The following PKD1L1 variants were observed in gnomAD, a reference collection of about 807,000 sequenced individuals.
PKD1L1 encodes the protein polycystin 1 like 1, transient receptor potential channel interacting, also known as polycystin-1-like protein 1.
In PKD1L1, 236 loss-of-function variants were observed where a neutral mutation model predicts 323.4. The ratio of observed to expected loss-of-function variants is 0.73; its 90% CI spans 0.66 to 0.81. The LOEUF (loss-of-function observed/expected upper bound fraction) is 0.81, where lower values mean the gene tolerates loss of function less well. Ranked by LOEUF, PKD1L1 falls within the 40% of genes least tolerant of loss-of-function variation. The pLI, the probability that PKD1L1 is intolerant of heterozygous loss-of-function variation, is 0.00. For missense variants in PKD1L1, 3,320 were observed against 3,508.0 expected, an observed-to-expected ratio of 0.95 and a Z score of 1.35; for synonymous variants, 1,344 against 1,335.0, an observed-to-expected ratio of 1.01 and a Z score of -0.15.
intron 9 of PKD1L1, 61 bp downstream of exon 9, chr7:47,908,016 A>C: frequency 6.6e-7 from 1 of 1,513,118 alleles, no homozygotes. Context: ...AGTAAAGCGG[A>C]GATACCCTGC....
intron 8 of PKD1L1, among the ~76,000 whole-genome samples, chr7:47,913,518 C>A (rs907506366): frequency 2.6e-5 from 4 of 152,082 alleles, no homozygotes; most frequent in Non-Finnish European, 4.4e-5. Context: ...TTTAGTGTCA[C>A]CCCCAATCCC....
chr7:47,901,487 A>G (rs1787088586), intron 13 of PKD1L1, among the ~76,000 whole-genome samples: 1 of 152,234 alleles, frequency 6.6e-6, no homozygotes, highest in South Asian at 2.1e-4. Flanking sequence ...GACGGGAGCC[A>G]GAGTCCTCCT....
rs199855897 is a variant in PKD1L1 at position 47,866,592 on chromosome 7, G to A, written c.3919C>T (p.Leu1307Phe). Residue 1307 changes from leucine to phenylalanine, a missense_variant, in exon 25 of 57, where the codon CTT becomes TTT. By Grantham distance (22) the Leu-to-Phe change is conservative. Transcript: ENST00000289672. ...EDLYNSSLKN[L>F]STLQLMGSYT... is the part of the protein sequence containing the mutation. ...CTCCCCATCAGCTGGAGGGTAGAAA[G>A]GTTTTTCAGGCTGGAATTATACCTG... The A allele has an allele frequency of 1.2e-4, 200 of 1,607,992 alleles. 1 individual carries two copies. Among genetic ancestry groups the A allele is most frequent in the Non-Finnish European group, 1.6e-4 (193 of 1,176,824 alleles).
intron 8 of PKD1L1, among the ~76,000 whole-genome samples, chr7:47,914,566 A>G (rs4720624): frequency 0.48 from 73,630 of 151,950 alleles, 18,039 homozygotes; most frequent in Admixed American, 0.53. Flanking sequence ...TGGGATTTCC[A>G]GTGAAAAGGG....
At chr7:47,796,252 G>T in intron 54 of PKD1L1, 102 bp from the exon 55 acceptor site, 1 of 1,089,610 alleles carries the variant, frequency 9.2e-7, no homozygotes, top group Non-Finnish European at 1.3e-6. Flanking sequence ...ATCTGATGAT[G>T]CTACTTTACG....
In PKD1L1 at chr7:47,855,222, C is replaced by T. The variant is rs1276142802; in HGVS notation, c.4634G>A (p.Arg1545Lys). The T allele has an allele frequency of 1.2e-6, 2 of 1,614,178 alleles. No homozygotes were observed. Among genetic ancestry groups the T allele is most frequent in the South Asian group, 2.2e-5 (2 of 91,084 alleles). Residue 1545 changes from arginine (R) to lysine (K), a missense_variant, in exon 29 of 57, where the codon AGA (arginine) becomes AAA (lysine). Arg to Lys is a conservative substitution (Grantham distance 26). Coordinates refer to ENST00000289672, the MANE Select transcript of PKD1L1 (RefSeq NM_138295.5). ...TAGCCATTGCCTGTTGATGGGTCTT[C>T]TGCTGGAGCAGGTATAGAGGTTGAG... ...VGLNLYTCSS[R>K]RPINRQWLRK... is the part of the protein sequence containing the mutation.
At chr7:47,889,464 C>T (rs1786760232) in intron 16 of PKD1L1, among the ~76,000 whole-genome samples, 1 of 152,140 alleles carries the variant, frequency 6.6e-6, no homozygotes, top group Non-Finnish European at 1.5e-5. Context: ...AAATAACAGT[C>T]AGTAGTCGGG....
chr7:47,894,107 G>A (rs1786885221), intron 14 of PKD1L1, 48 bp from the exon 15 acceptor site: 3 of 1,477,348 alleles, frequency 2.0e-6, no homozygotes, highest in Non-Finnish European at 2.7e-6. Flanking sequence ...GACAAGGCAG[G>A]GACTCACTGG....
intron 3 of PKD1L1, among the ~76,000 whole-genome samples, chr7:47,937,784 T>C (rs939692650): frequency 6.6e-6 from 1 of 152,054 alleles, no homozygotes; most frequent in African/African-American, 2.4e-5. Flanking sequence ...GCTCGGCCTG[T>C]GCACACTGAG....
chr7:47,909,350 C>T (rs148539736), intron 8 of PKD1L1, among the ~76,000 whole-genome samples: 9 of 152,308 alleles, frequency 5.9e-5, no homozygotes, highest in Admixed American at 5.9e-4. Context: ...ACAACTGATG[C>T]ATCAGCCACA....
intron 31 of PKD1L1, among the ~76,000 whole-genome samples, chr7:47,849,136 G>C (rs1785726771): frequency 6.6e-6 from 1 of 152,166 alleles, no homozygotes; most frequent in Non-Finnish European, 1.5e-5. Context: ...GGGATAATTG[G>C]CTAGCCACGT....
intron 46 of PKD1L1, among the ~76,000 whole-genome samples, chr7:47,816,375 A>T (rs986830116): frequency 2.6e-5 from 4 of 152,258 alleles, no homozygotes; most frequent in Admixed American, 6.5e-5. Flanking sequence ...TTGCTCAGAC[A>T]CTGCTATAAA....
At chr7:47,794,977 A>G (rs1300006916) in intron 55 of PKD1L1, among the ~76,000 whole-genome samples, 3 of 152,160 alleles carry the variant, frequency 2.0e-5, no homozygotes, top group African/African-American at 4.8e-5. Context: ...TGTATCTAGG[A>G]AGTAACTAAC....
intron 26 of PKD1L1, 89 bp downstream of exon 26, chr7:47,865,127 A>T (rs1445547917): frequency 1.1e-6 from 1 of 928,396 alleles, no homozygotes; most frequent in Non-Finnish European, 1.7e-6. Flanking sequence ...TCAAACTATG[A>T]TTCTGGACAG....
In PKD1L1 at chr7:47,792,616, C is replaced by CCTCAGCAA; in HGVS notation, c.8526+10_8526+11insTTGCTGAG. ...AAGAAAATTGACATAAATAATTTTG[C>CCTCAGCAA]ATGGTCTTACCTCAGCAGCTTGGTA... On this transcript the variant is annotated intron_variant, in intron 56 of 56. Transcript: ENST00000289672. The CCTCAGCAA allele has an allele frequency of 6.4e-7, 1 of 1,573,564 alleles. No individual in the cohort carries two copies. Among genetic ancestry groups the CCTCAGCAA allele is most frequent in the South Asian group, 1.2e-5 (1 of 85,968 alleles).
At chr7:47,938,472 T>G (rs1022067764) in intron 3 of PKD1L1, among the ~76,000 whole-genome samples, 2 of 152,038 alleles carry the variant, frequency 1.3e-5, no homozygotes, top group African/African-American at 4.8e-5. Context: ...CTACAACCCC[T>G]AAAAGGCATG....
intron 4 of PKD1L1, among the ~76,000 whole-genome samples, chr7:47,933,684 C>T (rs1188903320): frequency 1.3e-5 from 2 of 152,120 alleles, no homozygotes; most frequent in African/African-American, 4.8e-5. Flanking sequence ...AAAAAGCCTC[C>T]ATTTCTTTTC....
chr7:47,846,457 C>G (rs571363795), intron 32 of PKD1L1, among the ~76,000 whole-genome samples: 1 of 152,178 alleles, frequency 6.6e-6, no homozygotes, highest in South Asian at 2.1e-4. Context: ...CTCAGGGCAA[C>G]ATGGGGGCAT....
Position 47,833,116 on chromosome 7 carries a change from CT to C in PKD1L1, c.6310del (p.Ser2104AlafsTer18). ...DHSRTSLMGK[S>X]HCCPPHTQAP... is the part of the protein sequence containing the mutation. ...TTGAGTGTGGGGAGGGCAGCAGTGGCTTTTCCCCATCAGAGAAGTCCTGCTG... is the reference window on the plus strand; with the variant it reads ...TTGAGTGTGGGGAGGGCAGCAGTGGCTTTCCCCATCAGAGAAGTCCTGCTG... On this transcript the variant is annotated frameshift_variant, in exon 41 of 57. Transcript: ENST00000289672. LOFTEE classifies it high-confidence loss of function. 1 of 1,611,876 alleles carries C rather than the reference CT, an allele frequency of 6.2e-7. No individual in the cohort carries two copies. Among genetic ancestry groups the C allele is most frequent in the Admixed American group, 1.7e-5 (1 of 59,804 alleles).
Sources: allele counts gnomAD v4.1 joint callset (sites outside exome capture counted in the v4.1 genomes callset), GRCh38; gene constraint gnomAD v4.1.1; transcripts MANE v1.5; gene names NCBI Gene and HGNC (gene_info 2026-07-23, HGNC 2026-07-21).